Variants in EGFR observed in about 807,000 individuals in gnomAD.
The protein encoded by EGFR is avian erythroblastic leukemia viral (v-erb-b) oncogene homolog.
A neutral mutation model predicts 143.0 loss-of-function variants in EGFR; 58 were observed. The ratio of observed to expected loss-of-function variants is 0.41; its 90% CI spans 0.33 to 0.50. The LOEUF is 0.50. EGFR is among the 20% of genes least tolerant of loss of function. The probability of loss-of-function intolerance (pLI) is 0.39; values close to 1 mark genes in which losing one functional copy is unlikely to be tolerated. For missense variants in EGFR, 1,307 were observed against 1,579.0 expected (o/e 0.83, Z 2.92); for synonymous variants, 613 against 594.4 (o/e 1.03, Z -0.45).
intron 10 of EGFR, 109 bp from the exon 11 acceptor site, chr7:55,157,554 C>A: frequency 1.1e-6 from 1 of 906,662 alleles, no homozygotes; most frequent in Non-Finnish European, 1.8e-6. Flanking sequence ...TCCAATTTTC[C>A]CACTTACTGT....
intron 25 of EGFR, 120 bp downstream of exon 25, chr7:55,201,475 A>G: frequency 7.0e-7 from 1 of 1,421,652 alleles, no homozygotes; most frequent in South Asian, 1.2e-5. Flanking sequence ...ATTTTAACCA[A>G]ATGGTAAAAT....
At chr7:55,097,647 T>A (rs1391499470) in intron 1 of EGFR, among the ~76,000 whole-genome samples, 2 of 152,220 alleles carry the variant, frequency 1.3e-5, no homozygotes, top group African/African-American at 4.8e-5. Flanking sequence ...ACTTTGTACC[T>A]GATTTCTATA....
intron 1 of EGFR, among the ~76,000 whole-genome samples, chr7:55,138,962 A>G (rs1011760195): frequency 2.0e-5 from 3 of 152,172 alleles, no homozygotes; most frequent in Non-Finnish European, 4.4e-5. Flanking sequence ...GGTTTAACTC[A>G]TCCTTTTATC....
chr7:55,200,538 C>A (rs905684195), intron 24 of EGFR, 125 bp downstream of exon 24: 31 of 968,150 alleles, frequency 3.2e-5, no homozygotes, highest in Non-Finnish European at 4.5e-5. Context: ...AACCCTCCAG[C>A]GCATTAGAGC....
At position 55,143,489 on chromosome 7, in the gene EGFR, G is replaced by A. The variant is rs2128927610; in HGVS notation, c.424+1G>A. 1 of 1,614,224 alleles carries A rather than the reference G, an allele frequency of 6.2e-7. No individual in the cohort carries two copies. Among genetic ancestry groups the A allele is most frequent in the Non-Finnish European group, 8.5e-7 (1 of 1,180,048 alleles). ...GAGCTGCCCATGAGAAATTTACAGG[G>A]TGAGAGGCTGGGATGCCAAGGCTGG... is the stretch of plus-strand genomic sequence containing the variant. On this transcript the variant is annotated splice_donor_variant, in intron 3 of 27. Coordinates refer to ENST00000275493, the MANE Select transcript of EGFR (RefSeq NM_005228.5). LOFTEE classifies it high-confidence loss of function.
At chr7:55,080,788 G>T (rs1790420926) in intron 1 of EGFR, among the ~76,000 whole-genome samples, 1 of 152,136 alleles carries the variant, frequency 6.6e-6, no homozygotes, top group Non-Finnish European at 1.5e-5. Flanking sequence ...AAAACATCAT[G>T]TTGTATACCA....
chr7:55,033,050 A>G (rs142711574), intron 1 of EGFR, among the ~76,000 whole-genome samples: 1 of 152,210 alleles, frequency 6.6e-6, no homozygotes, highest in African/African-American at 2.4e-5. Flanking sequence ...CATGTCTATG[A>G]ATGATTTTCT....
chr7:55,194,454 C>T (rs1412820603), intron 22 of EGFR, among the ~76,000 whole-genome samples: 1 of 152,144 alleles, frequency 6.6e-6, no homozygotes, highest in Non-Finnish European at 1.5e-5. Flanking sequence ...TCTCGAACTC[C>T]TGACCTCATG....
At chr7:55,200,250 G>A (rs1298792348) in intron 23 of EGFR, 66 bp from the exon 24 acceptor site, 2 of 1,450,032 alleles carry the variant, frequency 1.4e-6, no homozygotes, top group Non-Finnish European at 1.9e-6. Context: ...CCTTCTTTAA[G>A]CAATGCCATC....
At chr7:55,183,520 T>A (rs1786988545) in intron 20 of EGFR, among the ~76,000 whole-genome samples, 2 of 152,304 alleles carry the variant, frequency 1.3e-5, no homozygotes, top group South Asian at 4.1e-4. Flanking sequence ...GTGGAGACAC[T>A]GTGCAACCCA....
chr7:55,062,712 GTTTCC>G (rs1339609998), intron 1 of EGFR, among the ~76,000 whole-genome samples: 4 of 152,124 alleles, frequency 2.6e-5, no homozygotes, highest in African/African-American at 9.7e-5. Flanking sequence ...TGAATTCTCA[GTTTCC>G]TTTTTTCCCC....
chr7:55,200,211 AT>A lies in EGFR; in HGVS notation c.2849-102del. On this transcript the variant is annotated intron_variant, in intron 23 of 27. Transcript: ENST00000275493. The stretch of plus-strand genomic sequence containing the variant: ...CAAAGACTTGGTTCTTTCATCACTT[AT>A]TTGACTGGAAGTGTCGCATCACCAA... 5 of 1,098,776 alleles carry A rather than the reference AT, an allele frequency of 4.6e-6. No individual in the cohort carries two copies. The South Asian group carries it at 5.0e-5, about 11-fold the overall frequency. The allele number at this position is 1,098,776 out of a possible 1,614,324, so 68.1% of individuals were successfully genotyped here.
At chr7:55,158,607 T>A (rs894703737) in intron 11 of EGFR, among the ~76,000 whole-genome samples, 1 of 152,200 alleles carries the variant, frequency 6.6e-6, no homozygotes, top group African/African-American at 2.4e-5. Context: ...TTAGAGCAAT[T>A]TTCTTGGATG....
chr7:55,184,548 G>A (rs746881978), intron 20 of EGFR, among the ~76,000 whole-genome samples: 106 of 152,218 alleles, frequency 7.0e-4, no homozygotes, highest in Non-Finnish European at 1.2e-3. Flanking sequence ...CATTTAAGCA[G>A]AAGTTACTGA....
rs575785248 is a variant in EGFR at position 55,157,848 on chromosome 7, C to A, written c.1298+95C>A. 3.3e-6 allele frequency: 4 copies of A among 1,218,810 alleles called. No homozygotes were observed. In the South Asian group the frequency reaches 3.8e-5, roughly 11 times the overall value. 75.5% of individuals were successfully genotyped at this position (1,218,810 alleles called of 1,614,324 possible). On this transcript the variant is annotated intron_variant, in intron 11 of 27. Coordinates refer to ENST00000275493, the MANE Select transcript of EGFR (RefSeq NM_005228.5). ...AGAGTTGCTAAGATAGGGCACAGAG[C>A]TCCTGCATCTCTCGCCGGCATTCCC...
Position 55,107,940 on chromosome 7 carries a change from C to T in EGFR, c.89-34346C>T, listed in dbSNP as rs181025611. Reference sequence around the variant, plus strand: ...AAAAATGTGAAGAAACACAGAACAGCTCATGAACACCTCCACTGCTGTATA... The same window carrying T: ...AAAAATGTGAAGAAACACAGAACAGTTCATGAACACCTCCACTGCTGTATA... On this transcript the variant is annotated intron_variant, in intron 1 of 27. Coordinates refer to ENST00000275493, the MANE Select transcript of EGFR (RefSeq NM_005228.5). Among the ~76,000 whole-genome samples the T allele has an allele frequency of 3.3e-4, 51 of 152,350 alleles. 1 individual carries two copies. The highest frequency in any genetic ancestry group is 2.8e-3 in the Admixed American group (43 of 15,292).
At chr7:55,075,738 C>T (rs756507456) in intron 1 of EGFR, among the ~76,000 whole-genome samples, 1 of 152,120 alleles carries the variant, frequency 6.6e-6, no homozygotes, top group African/African-American at 2.4e-5. Context: ...CTGGCACGCT[C>T]AGAGCTACAC....
chr7:55,179,159 A>G (rs1307943167), intron 19 of EGFR, among the ~76,000 whole-genome samples: 3 of 152,252 alleles, frequency 2.0e-5, no homozygotes, highest in Non-Finnish European at 2.9e-5. Context: ...TCTTTCCTCA[A>G]AAACTTGGTG....
At chr7:55,056,507 T>TA (rs1177345258) in intron 1 of EGFR, among the ~76,000 whole-genome samples, 59 of 152,372 alleles carry the variant, frequency 3.9e-4, no homozygotes, top group African/African-American at 1.3e-3. Flanking sequence ...TTTCACATAT[T>TA]GTTAGAATTC....
Sources: gnomAD v4.1 joint callset for allele counts (sites outside exome capture counted in the v4.1 genomes callset) on GRCh38, gnomAD v4.1.1 for gene constraint, MANE v1.5 for transcripts, NCBI Gene and HGNC (gene_info 2026-07-23, HGNC 2026-07-21) for gene names.